The following KCNQ2 variants were observed in gnomAD, a reference collection of about 807,000 sequenced individuals.
KCNQ2 encodes the protein potassium voltage-gated channel subfamily KQT member 2.
Under a neutral mutation model 84.8 loss-of-function variants are expected in KCNQ2, and 14 were observed. That is an observed-to-expected ratio of 0.17 (90% CI 0.11 to 0.26). The LOEUF (loss-of-function observed/expected upper bound fraction) is 0.26. Ranked by LOEUF, KCNQ2 falls within the 10% of genes least tolerant of loss-of-function variation. The pLI, the probability that KCNQ2 is intolerant of heterozygous loss-of-function variation, is 1.00. For synonymous variants in KCNQ2, 599 were observed against 554.1 expected, an observed-to-expected ratio of 1.08 and a Z score of -1.14; for missense variants, 788 against 1,254.0, an observed-to-expected ratio of 0.63 and a Z score of 5.61.
Position 63,400,802 on chromosome 20 carries a change from G to A in KCNQ2, c.*5842C>T, listed in dbSNP as rs1490223989. 5 of 398,320 alleles carry A rather than the reference G, an allele frequency of 1.3e-5. No homozygotes were observed. The highest frequency in any genetic ancestry group is 4.4e-5 in the Admixed American group (1 of 22,712). The allele number at this position is 398,320 out of a possible 1,614,324, so 24.7% of individuals were successfully genotyped here. A position where few individuals can be genotyped will look rare whatever the true frequency, so the allele number is the denominator to read the frequency against. On this transcript the variant is annotated 3_prime_UTR_variant, in exon 17 of 17. Coordinates refer to ENST00000359125, the MANE Select transcript of KCNQ2 (RefSeq NM_172107.4). The surrounding 1 kb of genome is among the most constrained non-coding windows in gnomAD (Gnocchi z 8.7). The stretch of plus-strand genomic sequence containing the variant: ...GGGCGCCTCAGTGCGAGACCCCTCC[G>A]TGAGACCCCTCCTGCCCTGCGCGTG...
At chr20:63,465,451 C>T (rs2082055430) in intron 1 of KCNQ2, among the ~76,000 whole-genome samples, 1 of 152,224 alleles carries the variant, frequency 6.6e-6, no homozygotes, top group South Asian at 2.1e-4. Flanking sequence ...GCAGGGCCCA[C>T]ACTCCATCAC....
At chr20:63,423,820 G>A (rs761468622) in intron 11 of KCNQ2, 1 of 339,676 alleles carries the variant, frequency 2.9e-6, no homozygotes, top group Non-Finnish European at 5.5e-6. Context: ...CTGTGAGCTC[G>A]GGCTATGTGC....
intron 11 of KCNQ2, among the ~76,000 whole-genome samples, chr20:63,420,793 C>G (rs890813093): frequency 6.6e-5 from 10 of 152,016 alleles, no homozygotes. Flanking sequence ...CCCCAGCCCC[C>G]GTGCCGGTCC....
rs1266955471 is a variant in KCNQ2, at chr20:63,408,355, T to C, written c.1887+58A>G. Reference sequence around the variant, plus strand: ...CCCCTGAAGCCCACACTGCCACAGGTTGACGGCAGGCACCACAGCCCTCCA... The same window carrying C: ...CCCCTGAAGCCCACACTGCCACAGGCTGACGGCAGGCACCACAGCCCTCCA... On this transcript the variant is annotated intron_variant, in intron 16 of 16. Coordinates refer to ENST00000359125, the MANE Select transcript of KCNQ2 (RefSeq NM_172107.4). The surrounding 1 kb of genome is among the most constrained non-coding windows in gnomAD (Gnocchi z 5.0). 2 of 1,594,580 alleles carry C rather than the reference T, an allele frequency of 1.3e-6. No individual in the cohort carries two copies. The highest frequency in any genetic ancestry group is 2.2e-5 in the East Asian group (1 of 44,694).
chr20:63,423,078 C>T (rs1342911638), intron 11 of KCNQ2, among the ~76,000 whole-genome samples: 2 of 152,212 alleles, frequency 1.3e-5, no homozygotes, highest in Non-Finnish European at 2.9e-5. Context: ...ACGCTGCCGA[C>T]CCAGCTCTTT....
At position 63,460,611 on chromosome 20, in the gene KCNQ2, C is replaced by T. The variant is rs1370185578; in HGVS notation, c.296+11557G>A. 6.6e-6 allele frequency among the ~76,000 whole-genome samples: 1 copy of T among 152,222 alleles called. No homozygotes were observed. Among genetic ancestry groups the T allele is most frequent in the Non-Finnish European group, 1.5e-5 (1 of 68,034 alleles). ...TGCACACCTCCGGCGACGGAGGGCTCACCCCACAGAAAGAATCTCGTTCCA... is the reference window on the plus strand; with the variant it reads ...TGCACACCTCCGGCGACGGAGGGCTTACCCCACAGAAAGAATCTCGTTCCA... On this transcript the variant is annotated intron_variant, in intron 1 of 16. Coordinates refer to ENST00000359125, the MANE Select transcript of KCNQ2 (RefSeq NM_172107.4). The surrounding 1 kb of genome is among the most constrained non-coding windows in gnomAD (Gnocchi z 5.4).
intron 7 of KCNQ2, among the ~76,000 whole-genome samples, chr20:63,435,002 G>C (rs1202711716): frequency 1.3e-5 from 2 of 152,206 alleles, no homozygotes; most frequent in Non-Finnish European, 2.9e-5. Flanking sequence ...AACTTTCTGA[G>C]AAACAACCGA....
At chr20:63,439,491 C>A (rs1212909700) in intron 6 of KCNQ2, 107 bp downstream of exon 6, 2 of 843,352 alleles carry the variant, frequency 2.4e-6, no homozygotes, top group Admixed American at 1.8e-5. Context: ...GAGAGCTGCT[C>A]CTGCCCCAGG....
intron 1 of KCNQ2, among the ~76,000 whole-genome samples, chr20:63,452,505 C>A (rs2081643199): frequency 6.6e-6 from 1 of 152,236 alleles, no homozygotes; most frequent in African/African-American, 2.4e-5. Flanking sequence ...CCGAAAAACA[C>A]CTGCACAGCA....
At chr20:63,428,795 G>A (rs1165199231) in intron 9 of KCNQ2, among the ~76,000 whole-genome samples, 1 of 152,122 alleles carries the variant, frequency 6.6e-6, no homozygotes, top group Non-Finnish European at 1.5e-5. Flanking sequence ...TCTAATCCCT[G>A]AACATCCTAG....
chr20:63,416,694 C>T (rs539200598), intron 12 of KCNQ2, among the ~76,000 whole-genome samples: 96 of 152,288 alleles, frequency 6.3e-4, no homozygotes, highest in African/African-American at 2.2e-3. Context: ...CAGCCAACAG[C>T]GAGGGACTGA....
Position 63,431,377 on chromosome 20 carries a change from G to A in KCNQ2, c.1119-8C>T. 1.9e-6 allele frequency: 3 copies of A among 1,613,774 alleles called. No individual in the cohort carries two copies. The highest frequency in any genetic ancestry group is 2.2e-5 in the East Asian group (1 of 44,882). ...TAGGTTTGAGTTTGCGAACTTTCAA[G>A]TGTTTCCACACACACAAAGGGAAAA... is the stretch of plus-strand genomic sequence containing the variant. On this transcript the variant is annotated splice_region_variant and splice_polypyrimidine_tract_variant and intron_variant, in intron 8 of 16. Transcript: ENST00000359125.
chr20:63,435,478 G>C (rs915313178), intron 7 of KCNQ2, among the ~76,000 whole-genome samples: 3 of 152,128 alleles, frequency 2.0e-5, no homozygotes, highest in African/African-American at 7.2e-5. Context: ...ACTCTAACAG[G>C]TGAGGAGCAG....
intron 4 of KCNQ2, among the ~76,000 whole-genome samples, chr20:63,443,004 CCATCACCATCACCACCACCATCA>C (rs1568935576): frequency 1.5e-5 from 1 of 67,010 alleles, no homozygotes; most frequent in Admixed American, 1.5e-4. Flanking sequence ...ACCATCACCA[CCATCACCATCACCACCACCATCA>C]CATCACCACC....
chr20:63,446,819 G>A lies in KCNQ2; in HGVS notation c.315C>T (p.Ser105=), dbSNP rs200224824. Reference sequence around the variant, plus strand: ...TGGAAAACACAGACAGCACGAGGCAGGAGAAAACCAGGAGGAACCTGGGGG... The same window carrying A: ...TGGAAAACACAGACAGCACGAGGCAAGAGAAAACCAGGAGGAACCTGGGGG... ...YHAYVFLLVF[S]CLVLSVFSTI... Residue 105 remains serine, a synonymous_variant, in exon 2 of 17, where the codon TCC becomes TCT. Transcript: ENST00000359125. This position sits in a 1 kb window ranked among gnomAD's most constrained non-coding sequence, Gnocchi z 5.5. The A allele has an allele frequency of 3.8e-5, 62 of 1,613,594 alleles. No individual in the cohort carries two copies. The Middle Eastern group carries it at 3.3e-3, about 86-fold the overall frequency.
rs895279851 is a variant in KCNQ2 at position 63,402,055 on chromosome 20, C to T, written c.*4589G>A. On this transcript the variant is annotated 3_prime_UTR_variant, in exon 17 of 17. Transcript: ENST00000359125. Reference sequence around the variant, plus strand: ...AGCCCTGTGAACCATCCCTCTCACACCACGTCTGCCGGGCACCCTCCATGG... The same window carrying T: ...AGCCCTGTGAACCATCCCTCTCACATCACGTCTGCCGGGCACCCTCCATGG... 1 of 142,946 alleles carries T rather than the reference C, an allele frequency of 7.0e-6. No individual in the cohort carries two copies. The highest frequency in any genetic ancestry group is 3.8e-5 in the African/African-American group (1 of 26,610). The allele number at this position is 142,946 out of a possible 1,614,324, so 8.9% of individuals were successfully genotyped here.
chr20:63,442,939 C>CATT (rs2081253744), intron 4 of KCNQ2, among the ~76,000 whole-genome samples: 1 of 93,632 alleles, frequency 1.1e-5, no homozygotes, highest in Non-Finnish European at 2.3e-5. Context: ...CCATCACCAC[C>CATT]ACCATCACCA....
rs1601538648 is a variant in KCNQ2 at position 63,405,762 on chromosome 20, G to A, written c.*882C>T. 6.6e-6 allele frequency: 1 copy of A among 152,494 alleles called. No homozygotes were observed. The highest frequency in any genetic ancestry group is 1.5e-5 in the Non-Finnish European group (1 of 68,176). 9.4% of individuals were successfully genotyped at this position (152,494 alleles called of 1,614,324 possible). ...GAGGACTTGGGGTCCTGCCCCCCCG[G>A]TCTCCAAGGCTGGGGTGCTGCTGGC... is the stretch of plus-strand genomic sequence containing the variant. On this transcript the variant is annotated 3_prime_UTR_variant, in exon 17 of 17. Transcript: ENST00000359125.
chr20:63,434,958 A>C (rs1236057840), intron 7 of KCNQ2, among the ~76,000 whole-genome samples: 1 of 152,246 alleles, frequency 6.6e-6, no homozygotes, highest in Non-Finnish European at 1.5e-5. Context: ...CTAGAGGTAG[A>C]ATGGCCGGGT....
Sources: allele counts gnomAD v4.1 joint callset (sites outside exome capture counted in the v4.1 genomes callset), GRCh38; gene constraint gnomAD v4.1.1; non-coding constraint Gnocchi (gnomAD v3.1); transcripts MANE v1.5; gene names NCBI Gene and HGNC (gene_info 2026-07-23, HGNC 2026-07-21).